Variants in C12orf42 observed in about 807,000 individuals in gnomAD.
C12orf42 encodes the protein uncharacterized protein C12orf42.
A neutral mutation model predicts 21.6 loss-of-function variants in C12orf42; 25 were observed. That is an observed-to-expected ratio of 1.16 (90% CI 0.84 to 1.62). C12orf42 has a LOEUF of 1.62. Ranked by LOEUF, C12orf42 falls within the 40% of genes most tolerant of loss-of-function variation. C12orf42 has a pLI of 0.00. For missense variants in C12orf42, 483 were observed against 459.3 expected, an observed-to-expected ratio of 1.05 and a Z score of -0.47; for synonymous variants, 174 against 175.0, an observed-to-expected ratio of 0.99 and a Z score of 0.05.
chr12:103,191,382 G>T, the C12orf42 span, among the ~76,000 whole-genome samples: 1 of 151,596 alleles, frequency 6.6e-6, no homozygotes, highest in South Asian at 2.1e-4. Context: ...CTGTAATGGT[G>T]GTGCATGAAC....
At chr12:103,331,385 T>C (rs2041227703) in intron 4 of C12orf42, among the ~76,000 whole-genome samples, 1 of 152,252 alleles carries the variant, frequency 6.6e-6, no homozygotes, top group Non-Finnish European at 1.5e-5. Flanking sequence ...ATTTCATGAT[T>C]AACCCTGATC....
the C12orf42 span, among the ~76,000 whole-genome samples, chr12:103,193,515 G>A: frequency 1.3e-5 from 2 of 151,316 alleles, no homozygotes; most frequent in Non-Finnish European, 3.0e-5. Context: ...ATTAAAAAGG[G>A]GACACTACAA....
chr12:103,328,932 C>T (rs1474313718), intron 4 of C12orf42, among the ~76,000 whole-genome samples: 1 of 152,332 alleles, frequency 6.6e-6, no homozygotes, highest in African/African-American at 2.4e-5. Context: ...ATTCCAGGTA[C>T]TATTTCAAAT....
At chr12:103,096,114 G>A in the C12orf42 span, among the ~76,000 whole-genome samples, 22 of 152,208 alleles carry the variant, frequency 1.4e-4, no homozygotes, top group South Asian at 4.2e-4. Context: ...ATTGTGCTCC[G>A]TTTCTTTTGC....
the C12orf42 span, among the ~76,000 whole-genome samples, chr12:103,197,205 T>C: frequency 6.6e-6 from 1 of 152,208 alleles, no homozygotes; most frequent in Non-Finnish European, 1.5e-5. Context: ...AAATTTTTGG[T>C]TGGAATTTAT....
the C12orf42 span, among the ~76,000 whole-genome samples, chr12:103,229,955 G>C: frequency 6.6e-6 from 1 of 152,156 alleles, no homozygotes; most frequent in Non-Finnish European, 1.5e-5. Context: ...CATGAAGTTT[G>C]CCAGAGTTCA....
At chr12:103,329,936 AT>A (rs1366045992) in intron 4 of C12orf42, among the ~76,000 whole-genome samples, 1 of 152,064 alleles carries the variant, frequency 6.6e-6, no homozygotes, top group Non-Finnish European at 1.5e-5. Flanking sequence ...TATAACTATA[AT>A]AATACAGATA....
At chr12:103,354,614 A>G (rs2137538058) in intron 4 of C12orf42, among the ~76,000 whole-genome samples, 1 of 152,302 alleles carries the variant, frequency 6.6e-6, no homozygotes, top group African/African-American at 2.4e-5. Flanking sequence ...CAGAGTCAGC[A>G]TTTAATAAAT....
At chr12:103,204,817 GAA>G in the C12orf42 span, among the ~76,000 whole-genome samples, 1 of 152,058 alleles carries the variant, frequency 6.6e-6, no homozygotes, top group East Asian at 1.9e-4. Flanking sequence ...ACATGAAGAA[GAA>G]GATGAAAAGG....
rs188715253 is a variant in C12orf42 at position 103,325,155 on chromosome 12, G to C, written c.260-18810C>G. On this transcript the variant is annotated intron_variant, in intron 4 of 5. Coordinates refer to ENST00000548883, the MANE Select transcript of C12orf42 (RefSeq NM_198521.5). ...GCATGAAAATTAAATTTAGGCCTCT[G>C]GGACCACCCTTTTGGGGACATAGAA... Among the ~76,000 whole-genome samples the C allele has an allele frequency of 3.3e-5, 5 of 152,290 alleles. No homozygotes were observed. The East Asian group carries it at 9.6e-4, about 29-fold the overall frequency.
intron 2 of C12orf42, among the ~76,000 whole-genome samples, chr12:103,437,714 G>A (rs1592809719): frequency 6.7e-6 from 1 of 149,852 alleles, no homozygotes; most frequent in African/African-American, 2.4e-5. Flanking sequence ...GGAAGAAGTT[G>A]AATCTCTGAA....
At position 103,357,148 on chromosome 12, in the gene C12orf42, G is replaced by T. The variant is rs12306615; in HGVS notation, c.259+11739C>A. On this transcript the variant is annotated intron_variant, in intron 4 of 5. Transcript: ENST00000548883. ...AACATCACACTCTGGGGACTGTTGT[G>T]GGGTGGGGGGAGGGAGAGGGATGGC... Among the ~76,000 whole-genome samples, 679 of 124,410 alleles carry T rather than the reference G, an allele frequency of 5.5e-3. 5 individuals are homozygous for T. Among genetic ancestry groups the T allele is most frequent in the African/African-American group, 0.018 (581 of 33,086 alleles). 81.6% of individuals were successfully genotyped at this position (124,410 alleles called of 152,430 possible). A position where few individuals can be genotyped will look rare whatever the true frequency, so the allele number is the denominator to read the frequency against.
At chr12:103,406,540 G>A (rs777440803) in intron 2 of C12orf42, among the ~76,000 whole-genome samples, 24 of 152,160 alleles carry the variant, frequency 1.6e-4, no homozygotes, top group Non-Finnish European at 2.8e-4. Context: ...TGGCTTTGCT[G>A]ATGCTTTTCT....
At chr12:103,424,664 T>C (rs1949655200) in intron 2 of C12orf42, among the ~76,000 whole-genome samples, 1 of 152,188 alleles carries the variant, frequency 6.6e-6, no homozygotes, top group African/African-American at 2.4e-5. Context: ...CCCATGGTCT[T>C]TGCAACCTGC....
downstream of C12orf42, among the ~76,000 whole-genome samples, chr12:103,265,713 G>A (rs1300009919): frequency 6.6e-6 from 1 of 152,132 alleles, no homozygotes; most frequent in Non-Finnish European, 1.5e-5. Flanking sequence ...CCTGGAAACT[G>A]TCAGGGAGAG....
the C12orf42 span, among the ~76,000 whole-genome samples, chr12:103,050,727 A>G: frequency 6.6e-6 from 1 of 152,042 alleles, no homozygotes; most frequent in African/African-American, 2.4e-5. Context: ...GTCCTGGTAT[A>G]CTAGATATTA....
intron 10 of C12orf42, among the ~76,000 whole-genome samples, chr12:103,261,805 A>G (rs2034914197): frequency 6.6e-6 from 1 of 152,210 alleles, no homozygotes; most frequent in South Asian, 2.1e-4. Context: ...AAAGAATAAA[A>G]TAATAGAATT....
At chr12:103,180,680 G>A in the C12orf42 span, among the ~76,000 whole-genome samples, 1 of 129,996 alleles carries the variant, frequency 7.7e-6, no homozygotes, top group East Asian at 2.3e-4. Context: ...CCAGGCTGGA[G>A]TGCAATGGCG....
chr12:103,360,620 G>C (rs1328792378), intron 4 of C12orf42, among the ~76,000 whole-genome samples: 1 of 152,012 alleles, frequency 6.6e-6, no homozygotes, highest in South Asian at 2.1e-4. Context: ...TAGTGATAGT[G>C]GCAATTATTT....
Sources: allele counts gnomAD v4.1 joint callset (sites outside exome capture counted in the v4.1 genomes callset), GRCh38; gene constraint gnomAD v4.1.1; transcripts MANE v1.5; gene names NCBI Gene and HGNC (gene_info 2026-07-23, HGNC 2026-07-21).